Variants in OPRM1 observed in about 807,000 individuals in gnomAD.
OPRM1 encodes mu-type opioid receptor.
In OPRM1, 27 loss-of-function variants were observed where a neutral mutation model predicts 31.8. The ratio of observed to expected loss-of-function variants is 0.85; its 90% CI spans 0.63 to 1.17. The LOEUF (loss-of-function observed/expected upper bound fraction) is 1.17. Among genes scored for constraint, OPRM1 ranks in the 50% most tolerant of loss-of-function variants. The probability of loss-of-function intolerance (pLI) is 0.00; values close to 1 mark genes in which losing one functional copy is unlikely to be tolerated. For missense variants in OPRM1, 536 were observed against 511.1 expected, an observed-to-expected ratio of 1.05 and a Z score of -0.47; for synonymous variants, 196 against 189.9, an observed-to-expected ratio of 1.03 and a Z score of -0.26.
At chr6:154,183,664 C>T (rs1316043910) in intron 3 of OPRM1, among the ~76,000 whole-genome samples, 3 of 151,934 alleles carry the variant, frequency 2.0e-5, no homozygotes, top group African/African-American at 4.8e-5. Context: ...TTTTTGAGGC[C>T]GAGGCAGGCA....
At chr6:154,155,065 C>T (rs1384662631) in intron 3 of OPRM1, 1 of 151,942 alleles carries the variant, frequency 6.6e-6, no homozygotes, top group Non-Finnish European at 1.5e-5. Flanking sequence ...TCAATGTTTT[C>T]TATGTGGTTC....
chr6:154,099,367 GAA>G (rs762976455), intron 3 of OPRM1, among the ~76,000 whole-genome samples: 50 of 130,082 alleles, frequency 3.8e-4, no homozygotes, highest in Middle Eastern at 4.0e-3. Context: ...GAGAGAGAGA[GAA>G]AGAAAGAGAA....
At chr6:154,202,223 T>C (rs78840385) in intron 3 of OPRM1, among the ~76,000 whole-genome samples, 7 of 152,156 alleles carry the variant, frequency 4.6e-5, no homozygotes, top group East Asian at 1.9e-4. Flanking sequence ...ACATATCTTC[T>C]CAATAATCAT....
At chr6:154,072,062 C>T (rs1244222794) in intron 1 of OPRM1, among the ~76,000 whole-genome samples, 1 of 152,126 alleles carries the variant, frequency 6.6e-6, no homozygotes, top group Non-Finnish European at 1.5e-5. Context: ...AATTACTCAA[C>T]TATTATATAC....
intron 3 of OPRM1, among the ~76,000 whole-genome samples, chr6:154,224,103 C>T (rs1459212774): frequency 1.3e-5 from 2 of 152,218 alleles, no homozygotes; most frequent in African/African-American, 4.8e-5. Context: ...ACACTGGTGT[C>T]TCTGAGTAGA....
chr6:154,062,191 T>G (rs1784561743), intron 1 of OPRM1, among the ~76,000 whole-genome samples: 1 of 152,138 alleles, frequency 6.6e-6, no homozygotes, highest in African/African-American at 2.4e-5. Flanking sequence ...ATTAATCATA[T>G]GAAAACAAGT....
At chr6:154,027,970 G>A (rs1235100462) in intron 1 of OPRM1, among the ~76,000 whole-genome samples, 1 of 152,160 alleles carries the variant, frequency 6.6e-6, no homozygotes, top group Non-Finnish European at 1.5e-5. Flanking sequence ...CTACCCCACT[G>A]TGGCCAAGCT....
chr6:154,080,846 G>T, intron 1 of OPRM1, among the ~76,000 whole-genome samples: 1 of 152,194 alleles, frequency 6.6e-6, no homozygotes, highest in Non-Finnish European at 1.5e-5. Context: ...GTTAGACAAT[G>T]ATATTATCAT....
At chr6:154,141,188 T>A (rs1408885301) in intron 3 of OPRM1, among the ~76,000 whole-genome samples, 1 of 152,210 alleles carries the variant, frequency 6.6e-6, no homozygotes, top group Non-Finnish European at 1.5e-5. Flanking sequence ...ATAAAAGAGA[T>A]AATGGACACA....
At chr6:154,082,397 TC>T (rs1344416574) in intron 1 of OPRM1, among the ~76,000 whole-genome samples, 2 of 152,210 alleles carry the variant, frequency 1.3e-5, no homozygotes, top group Non-Finnish European at 2.9e-5. Flanking sequence ...ATATTAAGCC[TC>T]ATATTTGTTG....
At chr6:154,049,283 C>T (rs80070099) in intron 1 of OPRM1, among the ~76,000 whole-genome samples, 1 of 151,820 alleles carries the variant, frequency 6.6e-6, no homozygotes, top group Admixed American at 6.6e-5. Flanking sequence ...ACCACCACCA[C>T]CAACAACAAC....
chr6:154,236,942 T>C (rs913232804), intron 3 of OPRM1, among the ~76,000 whole-genome samples: 1 of 152,238 alleles, frequency 6.6e-6, no homozygotes, highest in Non-Finnish European at 1.5e-5. Flanking sequence ...GTTTCAAACA[T>C]GTTTCCCTAA....
At chr6:154,163,837 T>C (rs1288927543) in intron 3 of OPRM1, among the ~76,000 whole-genome samples, 3 of 152,138 alleles carry the variant, frequency 2.0e-5, no homozygotes, top group Non-Finnish European at 4.4e-5. Flanking sequence ...TAGATAGATA[T>C]TAATAGATAG....
chr6:154,227,322 C>A (rs1321596638), intron 3 of OPRM1, among the ~76,000 whole-genome samples: 1 of 152,186 alleles, frequency 6.6e-6, no homozygotes, highest in Non-Finnish European at 1.5e-5. Context: ...CTAGACAACT[C>A]ATTTTCAGTA....
In OPRM1 at chr6:154,121,542, C is replaced by T. The variant is rs1228337913; in HGVS notation, c.*2821C>T. On this transcript the variant is annotated 3_prime_UTR_variant, in exon 4 of 4. Transcript: ENST00000330432. ...ACACGGCTATGAGTAGGTAAGAGAG[C>T]ATTCATTCCCTTCAATAATATGACT... Among the ~76,000 whole-genome samples, 1 of 152,150 alleles carries T rather than the reference C, an allele frequency of 6.6e-6. No individual in the cohort carries two copies. Among genetic ancestry groups the T allele is most frequent in the Non-Finnish European group, 1.5e-5 (1 of 68,024 alleles).
chr6:154,222,989 T>C, intron 3 of OPRM1: 1 of 609,650 alleles, frequency 1.6e-6, no homozygotes, highest in Non-Finnish European at 2.9e-6. Context: ...AAAACGAAAT[T>C]CCAGAAAATG....
At chr6:154,148,149 T>C (rs188450164) in intron 3 of OPRM1, among the ~76,000 whole-genome samples, 4 of 152,296 alleles carry the variant, frequency 2.6e-5, no homozygotes, top group Admixed American at 1.3e-4. Context: ...CTCACTTCCT[T>C]GGCCATACAG....
Position 154,129,425 on chromosome 6 carries a change from G to A in OPRM1, c.*10704G>A, listed in dbSNP as rs59417587. On this transcript the variant is annotated 3_prime_UTR_variant, in exon 4 of 4. Transcript: ENST00000330432. ...CCTGGCGCTGAGCTGCCTGTATTTGGTTTTACTTCCTTGTTGTTTTTACTG... is the reference window on the plus strand; with the variant it reads ...CCTGGCGCTGAGCTGCCTGTATTTGATTTTACTTCCTTGTTGTTTTTACTG... Among the ~76,000 whole-genome samples, 1,547 of 152,258 alleles carry A rather than the reference G, an allele frequency of 0.01. 72 individuals are homozygous for A. Among genetic ancestry groups the A allele is most frequent in the East Asian group, 0.073 (379 of 5,168 alleles).
rs769581511 is a variant in OPRM1 at position 154,123,279 on chromosome 6, C to T, written c.*4558C>T. On this transcript the variant is annotated 3_prime_UTR_variant, in exon 4 of 4. Transcript: ENST00000330432. The stretch of plus-strand genomic sequence containing the variant: ...TTGTTTTAAGTAAGCCACTTTCCTC[C>T]CTGCAAGTTCCCACGGAGCAGAAAA... 2.0e-5 allele frequency among the ~76,000 whole-genome samples: 3 copies of T among 151,274 alleles called. No individual in the cohort carries two copies. The highest frequency in any genetic ancestry group is 4.4e-5 in the Non-Finnish European group (3 of 67,664).
Sources: gnomAD v4.1 joint callset for allele counts (sites outside exome capture counted in the v4.1 genomes callset) on GRCh38, gnomAD v4.1.1 for gene constraint, MANE v1.5 for transcripts, NCBI Gene and HGNC (gene_info 2026-07-23, HGNC 2026-07-21) for gene names.